Variants in ABTB3 observed in about 807,000 individuals in gnomAD.
ABTB3 encodes the protein ankyrin repeat and BTB domain containing 3.
chr12:107,492,027 G>T, the ABTB3 span, among the ~76,000 whole-genome samples: 3 of 152,104 alleles, frequency 2.0e-5, no homozygotes, highest in Admixed American at 6.5e-5. Flanking sequence ...GCTTTTAAGG[G>T]TTTTGGAGTG....
chr12:107,579,615 T>C, the ABTB3 span, among the ~76,000 whole-genome samples: 119 of 152,320 alleles, frequency 7.8e-4, 1 homozygote, highest in African/African-American at 2.8e-3. Flanking sequence ...AAAAACTTTC[T>C]GGGAAGCTCA....
the ABTB3 span, among the ~76,000 whole-genome samples, chr12:107,478,924 A>G: frequency 3.9e-5 from 6 of 152,082 alleles, no homozygotes; most frequent in Admixed American, 2.0e-4. Context: ...ATCTGCCCGA[A>G]CCTTCAGAAC....
the ABTB3 span, among the ~76,000 whole-genome samples, chr12:107,586,278 C>A: frequency 1.3e-5 from 2 of 152,106 alleles, no homozygotes; most frequent in East Asian, 3.9e-4. Context: ...CATGTCCACA[C>A]GTTGACCCCT....
the ABTB3 span, among the ~76,000 whole-genome samples, chr12:107,474,471 C>A: frequency 1.8e-4 from 27 of 152,180 alleles, no homozygotes; most frequent in African/African-American, 5.1e-4. Context: ...CCATGGGAAG[C>A]AGGGATGCTT....
the ABTB3 span, among the ~76,000 whole-genome samples, chr12:107,349,942 A>G: frequency 6.6e-6 from 1 of 152,196 alleles, no homozygotes; most frequent in African/African-American, 2.4e-5. Context: ...ATCCAGACCC[A>G]TGCTTGCTGA....
chr12:107,646,095 G>T, the ABTB3 span, among the ~76,000 whole-genome samples: 2 of 152,356 alleles, frequency 1.3e-5, no homozygotes, highest in South Asian at 2.1e-4. Context: ...GGCAAGGGCC[G>T]GACGCAGCTG....
chr12:107,440,689 C>G, the ABTB3 span, among the ~76,000 whole-genome samples: 8 of 152,050 alleles, frequency 5.3e-5, no homozygotes, highest in South Asian at 6.2e-4. Flanking sequence ...CAGGAACCTA[C>G]GTGTCACATG....
chr12:107,645,991 G>T, the ABTB3 span, among the ~76,000 whole-genome samples: 1 of 152,232 alleles, frequency 6.6e-6, no homozygotes, highest in African/African-American at 2.4e-5. Context: ...AGGCTCCCAG[G>T]GGCCGGCTTA....
chr12:107,619,582 C>A, the ABTB3 span, among the ~76,000 whole-genome samples: 8 of 152,290 alleles, frequency 5.3e-5, no homozygotes, highest in Middle Eastern at 3.4e-3. Context: ...TCTTCTCCCC[C>A]CTGAGCTTCT....
chr12:107,412,117 A>G, the ABTB3 span, among the ~76,000 whole-genome samples: 1 of 152,196 alleles, frequency 6.6e-6, no homozygotes, highest in African/African-American at 2.4e-5. Context: ...GTGGCCCTCT[A>G]TTACTCTGCT....
the ABTB3 span, among the ~76,000 whole-genome samples, chr12:107,574,139 C>A: frequency 2.0e-5 from 3 of 152,172 alleles, no homozygotes; most frequent in African/African-American, 7.2e-5. Context: ...GGAGACAGAA[C>A]CCACCTTTAT....
At chr12:107,437,497 A>C in the ABTB3 span, among the ~76,000 whole-genome samples, 3 of 152,006 alleles carry the variant, frequency 2.0e-5, no homozygotes, top group Non-Finnish European at 2.9e-5. Context: ...CCTGGGTTCA[A>C]GAGATTCTCC....
the ABTB3 span, among the ~76,000 whole-genome samples, chr12:107,591,876 A>G: frequency 6.6e-6 from 1 of 152,186 alleles, no homozygotes; most frequent in Non-Finnish European, 1.5e-5. Flanking sequence ...CTGGGAGGTT[A>G]AGAAACCTGC....
At chr12:107,383,102 A>T in the ABTB3 span, among the ~76,000 whole-genome samples, 1 of 152,136 alleles carries the variant, frequency 6.6e-6, no homozygotes, top group Admixed American at 6.5e-5. Flanking sequence ...GCCCACTCTG[A>T]GGATCATTCC....
At chr12:107,398,005 T>C in the ABTB3 span, among the ~76,000 whole-genome samples, 1 of 152,188 alleles carries the variant, frequency 6.6e-6, no homozygotes, top group Non-Finnish European at 1.5e-5. Context: ...GGAAATGCTA[T>C]TGAAGAAAAG....
At chr12:107,415,119 A>C in the ABTB3 span, among the ~76,000 whole-genome samples, 3 of 151,776 alleles carry the variant, frequency 2.0e-5, no homozygotes, top group African/African-American at 4.8e-5. Flanking sequence ...TGTTTCCTCC[A>C]CTTATCATGC....
the ABTB3 span, among the ~76,000 whole-genome samples, chr12:107,447,671 G>T: frequency 6.6e-6 from 1 of 152,140 alleles, no homozygotes; most frequent in East Asian, 1.9e-4. Flanking sequence ...ATTAGTTTTT[G>T]CAATTACCAG....
chr12:107,507,693 C>T, the ABTB3 span, among the ~76,000 whole-genome samples: 2 of 152,202 alleles, frequency 1.3e-5, no homozygotes, highest in African/African-American at 2.4e-5. Context: ...CTTACAATCC[C>T]CACAATGCAC....
chr12:107,517,386 G>T, the ABTB3 span, among the ~76,000 whole-genome samples: 58,969 of 151,942 alleles, frequency 0.39, 12,045 homozygotes, highest in African/African-American at 0.5. Flanking sequence ...TTAAAGTAGT[G>T]TTTTCCAATT....
Sources: allele counts gnomAD v4.1 joint callset (sites outside exome capture counted in the v4.1 genomes callset), GRCh38; gene constraint gnomAD v4.1.1; transcripts MANE v1.5; gene names NCBI Gene and HGNC (gene_info 2026-07-23, HGNC 2026-07-21).